The following ORC4 variants were observed in gnomAD, a reference collection of about 807,000 sequenced individuals.
The protein encoded by ORC4 is origin recognition complex, subunit 4 homolog.
ORC4 carries 55 observed loss-of-function variants against 63.9 expected under a neutral mutation model. That is an observed-to-expected ratio of 0.86 (90% confidence interval 0.69 to 1.08). ORC4 has a LOEUF of 1.08. ORC4 is among the 50% of genes least tolerant of loss of function. The pLI is 0.00. For missense variants in ORC4, 511 were observed against 504.4 expected, an observed-to-expected ratio of 1.01 and a Z score of -0.13; for synonymous variants, 150 against 168.5, an observed-to-expected ratio of 0.89 and a Z score of 0.85.
rs2105236274 is a variant in ORC4, at chr2:147,931,653, T to C, written c.*3857A>G. The C allele has an allele frequency of 6.6e-6, 1 of 152,252 alleles. No individual in the cohort carries two copies. Among genetic ancestry groups the C allele is most frequent in the South Asian group, 2.1e-4 (1 of 4,828 alleles). The allele number at this position is 152,252 out of a possible 1,614,324, so 9.4% of individuals were successfully genotyped here. A position where few individuals can be genotyped will look rare whatever the true frequency, so the allele number is the denominator to read the frequency against. ...CCTGGGATGCAAGGCTGGTTCAATA[T>C]ACGCAAATCAATGAATGTAATCCAG... On this transcript the variant is annotated 3_prime_UTR_variant, in exon 14 of 14. Coordinates refer to ENST00000392857, the MANE Select transcript of ORC4 (RefSeq NM_181741.4).
chr2:147,963,754 C>G (rs1031793101), intron 4 of ORC4, among the ~76,000 whole-genome samples: 2 of 152,086 alleles, frequency 1.3e-5, no homozygotes, highest in Admixed American at 1.3e-4. Flanking sequence ...AACTGAGAAC[C>G]AGCCCAGCAA....
intron 11 of ORC4, 91 bp downstream of exon 11, chr2:147,939,049 T>C (rs2105259132): frequency 6.3e-6 from 5 of 790,550 alleles, no homozygotes; most frequent in Non-Finnish European, 9.0e-6. Flanking sequence ...TAAAGCATTA[T>C]GCCCACGTTA....
At chr2:148,010,857 T>TC (rs1373266799) in intron 1 of ORC4, among the ~76,000 whole-genome samples, 2 of 146,744 alleles carry the variant, frequency 1.4e-5, no homozygotes, top group African/African-American at 5.0e-5. Flanking sequence ...TCTTTTTTTT[T>TC]TTTTTTTTTT....
At chr2:147,961,486 T>A (rs1689589633) in intron 4 of ORC4, among the ~76,000 whole-genome samples, 1 of 150,350 alleles carries the variant, frequency 6.7e-6, no homozygotes, top group Non-Finnish European at 1.5e-5. Flanking sequence ...CTATCGAGAG[T>A]TATTGTCTAA....
At chr2:147,942,542 A>G (rs1688424412) in intron 10 of ORC4, among the ~76,000 whole-genome samples, 1 of 152,142 alleles carries the variant, frequency 6.6e-6, no homozygotes, top group Non-Finnish European at 1.5e-5. Context: ...GACAAAATCC[A>G]ACACCCATTT....
intron 7 of ORC4, among the ~76,000 whole-genome samples, chr2:147,954,790 A>G (rs1161038568): frequency 1.3e-5 from 2 of 152,160 alleles, no homozygotes; most frequent in African/African-American, 2.4e-5. Flanking sequence ...CATAAAAATA[A>G]TAATTGTTTT....
chr2:148,004,114 A>G (rs1315649108), intron 1 of ORC4, among the ~76,000 whole-genome samples: 1 of 152,308 alleles, frequency 6.6e-6, no homozygotes, highest in East Asian at 1.9e-4. Context: ...AAGAGAGGAC[A>G]CAAACAAATG....
At chr2:147,945,020 A>C (rs1044839220) in intron 9 of ORC4, among the ~76,000 whole-genome samples, 1 of 151,994 alleles carries the variant, frequency 6.6e-6, no homozygotes, top group Non-Finnish European at 1.5e-5. Context: ...TTAAAAAAAA[A>C]TTTGTTTAGC....
At chr2:148,019,485 G>C (rs188008531) in intron 1 of ORC4, among the ~76,000 whole-genome samples, 13 of 152,206 alleles carry the variant, frequency 8.5e-5, no homozygotes, top group Middle Eastern at 3.4e-3. Context: ...TCAGCTACTC[G>C]GGAGGGTGAG....
chr2:147,970,829 T>C (rs1454351063), intron 4 of ORC4, among the ~76,000 whole-genome samples: 1 of 151,908 alleles, frequency 6.6e-6, no homozygotes, highest in Non-Finnish European at 1.5e-5. Context: ...ACTGACAAAT[T>C]AGATTATTAA....
chr2:147,988,100 T>G (rs950011263), intron 1 of ORC4, among the ~76,000 whole-genome samples: 3 of 150,800 alleles, frequency 2.0e-5, no homozygotes, highest in Non-Finnish European at 4.4e-5. Flanking sequence ...CCTATAAATA[T>G]CTATCCAAAA....
intron 6 of ORC4, among the ~76,000 whole-genome samples, chr2:147,955,976 A>G (rs1558840382): frequency 6.6e-6 from 1 of 152,084 alleles, no homozygotes; most frequent in Non-Finnish European, 1.5e-5. Context: ...GTTTACTTGG[A>G]ATATAGCCAA....
chr2:147,940,466 A>G (rs1688306367), intron 10 of ORC4, among the ~76,000 whole-genome samples: 1 of 152,154 alleles, frequency 6.6e-6, no homozygotes, highest in Admixed American at 6.6e-5. Context: ...TTATTTGAAA[A>G]AGATGCTTGC....
intron 4 of ORC4, among the ~76,000 whole-genome samples, chr2:147,961,251 T>A (rs889407137): frequency 2.0e-5 from 3 of 151,788 alleles, no homozygotes; most frequent in Non-Finnish European, 4.4e-5. Context: ...ACAAACCTGG[T>A]AAACATGGTG....
At chr2:147,995,384 A>G (rs1470115854) in intron 1 of ORC4, among the ~76,000 whole-genome samples, 1 of 152,144 alleles carries the variant, frequency 6.6e-6, no homozygotes, top group African/African-American at 2.4e-5. Context: ...ATAAGGGAAT[A>G]AAAGTTGGCA....
intron 11 of ORC4, 102 bp downstream of exon 11, chr2:147,939,038 A>G (rs186196368): frequency 2.7e-6 from 2 of 745,728 alleles, no homozygotes; most frequent in East Asian, 5.3e-5. Flanking sequence ...AAAGTATTTT[A>G]TAAAGCATTA....
intron 1 of ORC4, among the ~76,000 whole-genome samples, chr2:147,990,083 C>T (rs1421982846): frequency 6.6e-6 from 1 of 152,178 alleles, no homozygotes; most frequent in Non-Finnish European, 1.5e-5. Context: ...CACTACCCCA[C>T]TCCCTTTATT....
intron 1 of ORC4, among the ~76,000 whole-genome samples, chr2:148,012,588 A>G (rs1271227649): frequency 1.3e-5 from 2 of 152,172 alleles, no homozygotes; most frequent in African/African-American, 4.8e-5. Flanking sequence ...ATAAAATAAA[A>G]TAACAACAAA....
intron 6 of ORC4, among the ~76,000 whole-genome samples, chr2:147,956,431 A>T (rs987285768): frequency 6.6e-6 from 1 of 152,084 alleles, no homozygotes; most frequent in Admixed American, 6.6e-5. Flanking sequence ...GATACTAAGT[A>T]TATGCTTCTA....
Sources: gnomAD v4.1 joint callset for allele counts (sites outside exome capture counted in the v4.1 genomes callset) on GRCh38, gnomAD v4.1.1 for gene constraint, MANE v1.5 for transcripts, NCBI Gene and HGNC (gene_info 2026-07-23, HGNC 2026-07-21) for gene names.